KATNIP: variants seen among roughly 807,000 people sequenced by gnomAD.
The protein encoded by KATNIP is katanin-interacting protein.
A neutral mutation model predicts 174.0 loss-of-function variants in KATNIP; 126 were observed. That is an observed-to-expected ratio of 0.72 (90% CI 0.63 to 0.84). The LOEUF (loss-of-function observed/expected upper bound fraction) is 0.84, where lower values mean the gene tolerates loss of function less well. KATNIP is among the 40% of genes least tolerant of loss of function. The pLI, the probability that KATNIP is intolerant of heterozygous loss-of-function variation, is 0.00. For synonymous variants in KATNIP, 810 were observed against 835.7 expected, an observed-to-expected ratio of 0.97 and a Z score of 0.53; for missense variants, 1,958 against 2,109.7, an observed-to-expected ratio of 0.93 and a Z score of 1.41.
intron 13 of KATNIP, among the ~76,000 whole-genome samples, chr16:27,719,581 A>G (rs2080121841): frequency 6.6e-6 from 1 of 151,328 alleles, no homozygotes; most frequent in Admixed American, 6.6e-5. Flanking sequence ...GGGTTTCACT[A>G]CGTTGGCCAG....
Position 27,681,400 on chromosome 16 carries a change from T to A in KATNIP, c.810T>A (p.Ser270Arg), listed in dbSNP as rs773969069. 2.5e-6 allele frequency: 4 copies of A among 1,614,124 alleles called. No individual in the cohort carries two copies. The South Asian group carries it at 3.3e-5, about 13-fold the overall frequency. The stretch of plus-strand genomic sequence containing the variant: ...CATGAAACAATTGTTTTCCTACAGG[T>A]CATAAAAGGGAAAGGAATTTGTCTG... ...VVLEFNPASK[S>R]HKRERNLSAK... Residue 270 changes from serine to arginine, a missense_variant and splice_region_variant, in exon 8 of 28, where the codon AGT becomes AGA. Physicochemically the swap from Ser to Arg is moderately radical, Grantham distance 110 (BLOSUM62 -1). Around this residue, in one of 3 missense-constraint regions of KATNIP, gnomAD observed 1,557 missense variants for 1,617.8 expected, o/e 0.96. Coordinates refer to ENST00000261588, the MANE Select transcript of KATNIP (RefSeq NM_015202.5).
chr16:27,757,364 C>A (rs2081774507), intron 18 of KATNIP: 1 of 320,718 alleles, frequency 3.1e-6, no homozygotes, highest in East Asian at 1.7e-4. Flanking sequence ...GGGTCAGCCA[C>A]CCAAACAGTG....
chr16:27,724,304 G>A (rs1597302125), intron 14 of KATNIP, among the ~76,000 whole-genome samples: 2 of 152,310 alleles, frequency 1.3e-5, no homozygotes, highest in East Asian at 3.9e-4. Flanking sequence ...ATGGGCAATG[G>A]AACAATGCCA....
intron 1 of KATNIP, among the ~76,000 whole-genome samples, chr16:27,570,660 G>T (rs1048676394): frequency 6.6e-6 from 1 of 152,078 alleles, no homozygotes; most frequent in Non-Finnish European, 1.5e-5. Context: ...GTCTTGTTCG[G>T]GTGGCCATCT....
intron 1 of KATNIP, among the ~76,000 whole-genome samples, chr16:27,561,203 A>G (rs376981589): frequency 2.8e-5 from 4 of 145,326 alleles, no homozygotes; most frequent in Admixed American, 6.9e-5. Context: ...TTTTTTTTTC[A>G]GTAGGGACGG....
intron 2 of KATNIP, among the ~76,000 whole-genome samples, chr16:27,608,588 G>C (rs2075791743): frequency 6.6e-6 from 1 of 151,440 alleles, no homozygotes; most frequent in South Asian, 2.1e-4. Flanking sequence ...CACGGTCATA[G>C]CTCACTGTAG....
At chr16:27,581,464 T>G (rs990088049) in intron 2 of KATNIP, among the ~76,000 whole-genome samples, 2 of 152,198 alleles carry the variant, frequency 1.3e-5, no homozygotes, top group African/African-American at 4.8e-5. Flanking sequence ...TGGCTGTCCT[T>G]GACCGAGGTG....
rs146699553 is a variant in KATNIP, at chr16:27,736,574, T to C, written c.1744-3467T>C. On this transcript the variant is annotated intron_variant, in intron 14 of 27. Transcript: ENST00000261588. ...TCTGCGGCAGAACACGCCAGGCAAG[T>C]GCACAGGCTCTAAGGCAGGAGGAAC... Among the ~76,000 whole-genome samples the C allele has an allele frequency of 2.8e-3, 422 of 152,184 alleles. 1 individual carries two copies. Among genetic ancestry groups the C allele is most frequent in the South Asian group, 5.6e-3 (27 of 4,814 alleles).
intron 3 of KATNIP, among the ~76,000 whole-genome samples, chr16:27,625,139 T>G (rs1485982362): frequency 6.6e-6 from 1 of 152,238 alleles, no homozygotes; most frequent in Non-Finnish European, 1.5e-5. Context: ...ACACTTTTCT[T>G]TGATGCCACC....
At chr16:27,584,778 C>T (rs1048490548) in intron 2 of KATNIP, among the ~76,000 whole-genome samples, 2 of 150,904 alleles carry the variant, frequency 1.3e-5, no homozygotes, top group African/African-American at 2.4e-5. Context: ...GCGACAAGAG[C>T]GAAATTCCAT....
intron 3 of KATNIP, among the ~76,000 whole-genome samples, chr16:27,626,364 C>G (rs2076334017): frequency 6.6e-6 from 1 of 152,118 alleles, no homozygotes; most frequent in African/African-American, 2.4e-5. Flanking sequence ...AGTTCATATG[C>G]TTAGGAACAA....
chr16:27,632,384 T>C, intron 5 of KATNIP: 1 of 279,304 alleles, frequency 3.6e-6, no homozygotes, highest in Non-Finnish European at 7.5e-6. Flanking sequence ...AATATACATA[T>C]TCAGTAAGCT....
Position 27,596,897 on chromosome 16 carries a change from C to T in KATNIP, c.64-21528C>T, listed in dbSNP as rs571129922. 8.6e-4 allele frequency among the ~76,000 whole-genome samples: 131 copies of T among 152,242 alleles called. 3 individuals carry two copies. The highest frequency in any genetic ancestry group is 2.0e-3 in the Admixed American group (31 of 15,292). On this transcript the variant is annotated intron_variant, in intron 2 of 27. Coordinates refer to ENST00000261588, the MANE Select transcript of KATNIP (RefSeq NM_015202.5). Reference sequence around the variant, plus strand: ...AATTGGCTGGGAGTGGTGGCGTGTGCCTATAATCCCAGCTACTGGGGAGGC... The same window carrying T: ...AATTGGCTGGGAGTGGTGGCGTGTGTCTATAATCCCAGCTACTGGGGAGGC...
chr16:27,771,065 C>G (rs2082280211), intron 21 of KATNIP, among the ~76,000 whole-genome samples: 1 of 152,184 alleles, frequency 6.6e-6, no homozygotes, highest in Non-Finnish European at 1.5e-5. Context: ...CTTCCCAGAG[C>G]ACTCCCTGAG....
At chr16:27,639,893 T>G (rs1171282214) in intron 5 of KATNIP, among the ~76,000 whole-genome samples, 1 of 152,042 alleles carries the variant, frequency 6.6e-6, no homozygotes, top group Non-Finnish European at 1.5e-5. Context: ...ACACATCAAG[T>G]CAGCCGGACC....
rs370608511 is a variant in KATNIP at position 27,648,614 on chromosome 16, A to C, written c.419A>C (p.Gln140Pro). 2.0e-4 allele frequency: 321 copies of C among 1,614,072 alleles called. No homozygotes were observed. Among genetic ancestry groups the C allele is most frequent in the Non-Finnish European group, 2.6e-4 (307 of 1,180,030 alleles). ...QRRGWHQKSVQIRTEAGPRLH... is the reference protein window; with the variant it reads ...QRRGWHQKSVPIRTEAGPRLH... ...TGCATTTTTGTACAGAAATCTGTGC[A>C]GATCAGAACAGAAGCTGGCCCACGG... is the stretch of plus-strand genomic sequence containing the variant. Residue 140 changes from glutamine (Q) to proline (P), a missense_variant, in exon 6 of 28, where the codon CAG becomes CCG. By Grantham distance (76) the Gln-to-Pro change is moderately conservative. This residue lies in a region of KATNIP where 1,557 missense variants were observed against 1,617.8 expected (regional missense o/e 0.96). Transcript: ENST00000261588.
At position 27,573,965 on chromosome 16, in the gene KATNIP, G is replaced by T. The variant is rs1596762515; in HGVS notation, c.63+9G>T. The T allele has an allele frequency of 6.2e-7, 1 of 1,613,794 alleles. No individual in the cohort carries two copies. Among genetic ancestry groups the T allele is most frequent in the African/African-American group, 1.3e-5 (1 of 75,028 alleles). On this transcript the variant is annotated intron_variant, in intron 2 of 27. Coordinates refer to ENST00000261588, the MANE Select transcript of KATNIP (RefSeq NM_015202.5). ...CACGAGAGAAAAAGGAGGTAAATGT[G>T]TCCCTGGCGAGGGCTGATGGGAGGC...
At chr16:27,593,389 C>A (rs754650545) in intron 2 of KATNIP, among the ~76,000 whole-genome samples, 3 of 152,078 alleles carry the variant, frequency 2.0e-5, no homozygotes, top group Non-Finnish European at 4.4e-5. Flanking sequence ...CAGGCATGCA[C>A]CACCACGCCC....
intron 8 of KATNIP, among the ~76,000 whole-genome samples, chr16:27,690,359 TA>T (rs1361562278): frequency 0.016 from 1,732 of 106,634 alleles, 13 homozygotes; most frequent in African/African-American, 0.022. Flanking sequence ...GATAGATAGA[TA>T]GATGATAGAT....
Sources: gnomAD v4.1 joint callset for allele counts (sites outside exome capture counted in the v4.1 genomes callset) on GRCh38, gnomAD v4.1.1 for gene constraint, gnomAD v4.1.1 regional missense constraint, MANE v1.5 for transcripts, NCBI Gene and HGNC (gene_info 2026-07-23, HGNC 2026-07-21) for gene names.